Variants in IL7R observed in about 807,000 individuals in gnomAD.
The protein encoded by IL7R is interleukin-7 receptor subunit alpha.
A neutral mutation model predicts 47.0 loss-of-function variants in IL7R; 38 were observed. The ratio of observed to expected loss-of-function variants is 0.81; its 90% CI spans 0.62 to 1.06. IL7R has a LOEUF of 1.06. Among genes scored for constraint, IL7R ranks in the 50% least tolerant of loss-of-function variants. The probability of loss-of-function intolerance (pLI) is 0.00; values close to 1 mark genes in which losing one functional copy is unlikely to be tolerated. For synonymous variants in IL7R, 221 were observed against 199.8 expected (o/e 1.11, Z -0.89); for missense variants, 633 against 534.8 (o/e 1.18, Z -1.81).
chr5:35,876,388 T>C lies in IL7R; in HGVS notation c.1282T>C (p.Leu428=), dbSNP rs1238128150. The C allele has an allele frequency of 6.2e-7, 1 of 1,613,598 alleles. No individual in the cohort carries two copies. Among genetic ancestry groups the C allele is most frequent in the South Asian group, 1.1e-5 (1 of 91,058 alleles). ...PFSLQSGILT[L]NPVAQGQPIL... ...TTCTCTCCAATCTGGAATCCTGACA[T>C]TGAACCCAGTTGCTCAGGGTCAGCC... The change falls in exon 8 of 8, where the codon TTG becomes CTG. Residue 428 remains leucine, a synonymous_variant. Transcript: ENST00000303115.
intron 2 of IL7R, 103 bp downstream of exon 2, chr5:35,861,093 A>G: frequency 8.1e-7 from 1 of 1,228,742 alleles, no homozygotes; most frequent in Middle Eastern, 1.9e-4. Flanking sequence ...CCTAATTAAC[A>G]AATGTTAACA....
rs1445751355 is a variant in IL7R at position 35,877,885 on chromosome 5, C to A, written c.*1399C>A. On this transcript the variant is annotated 3_prime_UTR_variant, in exon 8 of 8. Transcript: ENST00000303115. The stretch of plus-strand genomic sequence containing the variant: ...AACCCATCTCCCACAGGCCTCCAAA[C>A]CCTGGCTGTTCACAGAACCACAAAG... 4.3e-6 allele frequency: 1 copy of A among 233,190 alleles called. No individual in the cohort carries two copies. The highest frequency in any genetic ancestry group is 8.5e-6 in the Non-Finnish European group (1 of 118,086). 14.4% of individuals were successfully genotyped at this position (233,190 alleles called of 1,614,324 possible).
At chr5:35,869,770 T>A (rs1760024818) in intron 3 of IL7R, among the ~76,000 whole-genome samples, 1 of 152,218 alleles carries the variant, frequency 6.6e-6, no homozygotes, top group Non-Finnish European at 1.5e-5. Context: ...GCATTCTCTG[T>A]TCGGCTGTTC....
Position 35,867,349 on chromosome 5 carries a change from C to A in IL7R, c.265C>A (p.Gln89Lys). Residue 89 changes from glutamine to lysine, a missense_variant, in exon 3 of 8, where the codon CAA (glutamine) becomes AAA (lysine). By Grantham distance (53) the Gln-to-Lys change is moderately conservative (BLOSUM62 1). Coordinates refer to ENST00000303115, the MANE Select transcript of IL7R (RefSeq NM_002185.5). ...AAAGTGCCTGAATTTCAGGAAACTA[C>A]AAGAGATATATTTCATCGAGACAAA... The part of the protein sequence containing the change: ...EVKCLNFRKL[Q>K]EIYFIETKKF... 10 of 1,613,428 alleles carry A rather than the reference C, an allele frequency of 6.2e-6. No individual in the cohort carries two copies. Among genetic ancestry groups the A allele is most frequent in the Non-Finnish European group, 8.5e-6 (10 of 1,179,502 alleles).
rs528066920 is a variant in IL7R, at chr5:35,861,058, T to C, written c.221+68T>C. On this transcript the variant is annotated intron_variant, in intron 2 of 7. Coordinates refer to ENST00000303115, the MANE Select transcript of IL7R (RefSeq NM_002185.5). The stretch of plus-strand genomic sequence containing the variant: ...CTCTCTTTTCATATGCTCTTTTTAA[T>C]AGCCACAAAAGAAAGAATATGTGGC... The C allele has an allele frequency of 1.2e-5, 18 of 1,472,284 alleles. No individual in the cohort carries two copies. The African/African-American group carries it at 1.7e-4, about 14-fold the overall frequency. 91.2% of individuals were successfully genotyped at this position (1,472,284 alleles called of 1,614,324 possible). A position where few individuals can be genotyped will look rare whatever the true frequency, so the allele number is the denominator to read the frequency against.
rs1371353348 is a variant in IL7R, at chr5:35,876,044, A to G, written c.938A>G (p.Asp313Gly). The stretch of plus-strand genomic sequence containing the variant: ...GACTGCCAGATTCATAGGGTGGATG[A>G]CATTCAAGCTAGAGATGAAGTGGAA... ...FLDCQIHRVD[D>G]IQARDEVEGF... The change falls in exon 8 of 8, where the codon GAC becomes GGC. Residue 313 changes from aspartate (D) to glycine (G), a missense_variant. Asp to Gly is a moderately conservative substitution (Grantham distance 94). Coordinates refer to ENST00000303115, the MANE Select transcript of IL7R (RefSeq NM_002185.5). 1.9e-6 allele frequency: 3 copies of G among 1,614,038 alleles called. No homozygotes were observed. The Admixed American group carries it at 5.0e-5, about 27-fold the overall frequency.
intron 3 of IL7R, among the ~76,000 whole-genome samples, chr5:35,868,496 G>C (rs186454423): frequency 6.6e-6 from 1 of 152,194 alleles, no homozygotes; most frequent in African/African-American, 2.4e-5. Context: ...GCAGATGGCT[G>C]TGCATGTTGG....
At chr5:35,870,785 G>A (rs1205842137) in intron 3 of IL7R, among the ~76,000 whole-genome samples, 2 of 152,170 alleles carry the variant, frequency 1.3e-5, no homozygotes, top group Non-Finnish European at 2.9e-5. Flanking sequence ...ACGGAGCAGA[G>A]GAGTCACACA....
intron 4 of IL7R, chr5:35,873,063 C>T (rs1279519710): frequency 9.8e-6 from 2 of 204,178 alleles, no homozygotes; most frequent in Non-Finnish European, 2.0e-5. Context: ...GTGGTGGAGA[C>T]TTTTGTCTCT....
chr5:35,865,934 A>T (rs913163176), intron 2 of IL7R, among the ~76,000 whole-genome samples: 3 of 151,868 alleles, frequency 2.0e-5, no homozygotes, highest in African/African-American at 7.3e-5. Flanking sequence ...ATTGGCTAAA[A>T]CCTCCTGTAC....
intron 1 of IL7R, 146 bp downstream of exon 1, chr5:35,857,205 T>TG (rs72534634): frequency 5.1e-5 from 31 of 613,454 alleles, no homozygotes; most frequent in Non-Finnish European, 1.4e-5. Flanking sequence ...TTTTTTAATG[T>TG]TTAACCACCA....
chr5:35,867,330 C>T lies in IL7R; in HGVS notation c.246C>T (p.Cys82=), dbSNP rs201767916. Residue 82 remains cysteine, a synonymous_variant, in exon 3 of 8, where the codon TGC becomes TGT. Transcript: ENST00000303115. ...EICGALVEVK[C]LNFRKLQEIY... is the part of the protein sequence containing the mutation. ...GTGGGGCCCTCGTGGAGGTAAAGTG[C>T]CTGAATTTCAGGAAACTACAAGAGA... The T allele has an allele frequency of 2.5e-6, 4 of 1,613,610 alleles. No individual in the cohort carries two copies. The highest frequency in any genetic ancestry group is 1.7e-5 in the Admixed American group (1 of 59,986).
chr5:35,874,833 T>C (rs1760165613), intron 6 of IL7R, among the ~76,000 whole-genome samples: 1 of 152,254 alleles, frequency 6.6e-6, no homozygotes, highest in South Asian at 2.1e-4. Flanking sequence ...CCATCATTCA[T>C]GGCAAATGCA....
rs1187307876 is a variant in IL7R at position 35,874,457 on chromosome 5, G to A, written c.715G>A (p.Asp239Asn). ...PEINNSSGEMDPILLTISILS... is the reference protein window; with the variant it reads ...PEINNSSGEMNPILLTISILS... ...CTATTCTTGCTTTCCAGGGGAGATG[G>A]ATCCTATCTTACTAACCATCAGCAT... Residue 239 changes from aspartate (D) to asparagine (N), a missense_variant, in exon 6 of 8, where the codon GAT becomes AAT. Physicochemically the swap from Asp to Asn is conservative, Grantham distance 23. Coordinates refer to ENST00000303115, the MANE Select transcript of IL7R (RefSeq NM_002185.5). The A allele has an allele frequency of 1.9e-6, 3 of 1,608,242 alleles. No individual in the cohort carries two copies. The highest frequency in any genetic ancestry group is 1.1e-5 in the South Asian group (1 of 90,972).
chr5:35,862,355 A>G (rs1407761483), intron 2 of IL7R, among the ~76,000 whole-genome samples: 1 of 152,108 alleles, frequency 6.6e-6, no homozygotes, highest in Non-Finnish European at 1.5e-5. Context: ...CTCTTGGCCA[A>G]GCTGAGGTTG....
chr5:35,857,105 C>A, intron 1 of IL7R, 46 bp downstream of exon 1: 1 of 1,210,340 alleles, frequency 8.3e-7, no homozygotes, highest in Non-Finnish European at 1.2e-6. Context: ...TTATCTGTAG[C>A]ATGGTTTCAG....
rs761569711 is a variant in IL7R, at chr5:35,878,145, A to T, written c.*1659A>T. ...TTATCTGTTGGCTTAAAGGACTGGT[A>T]AGATCAGACCATCTTATTCTTCAGG... On this transcript the variant is annotated 3_prime_UTR_variant, in exon 8 of 8. Transcript: ENST00000303115. 4.3e-6 allele frequency: 1 copy of T among 233,206 alleles called. No homozygotes were observed. Among genetic ancestry groups the T allele is most frequent in the Non-Finnish European group, 8.5e-6 (1 of 118,078 alleles). The allele number at this position is 233,206 out of a possible 1,614,324, so 14.4% of individuals were successfully genotyped here. A position where few individuals can be genotyped will look rare whatever the true frequency, so the allele number is the denominator to read the frequency against.
chr5:35,867,378 A>C lies in IL7R; in HGVS notation c.294A>C (p.Lys98Asn). 1.9e-6 allele frequency: 3 copies of C among 1,613,632 alleles called. No individual in the cohort carries two copies. In the South Asian group the frequency reaches 3.3e-5, roughly 18 times the overall value. ...AGATATATTTCATCGAGACAAAGAAATTCTTACTGATTGGAAAGAGCAATA... is the reference window on the plus strand; with the variant it reads ...AGATATATTTCATCGAGACAAAGAACTTCTTACTGATTGGAAAGAGCAATA... The part of the protein sequence containing the change: ...LQEIYFIETK[K>N]FLLIGKSNIC... The change falls in exon 3 of 8, where the codon AAA becomes AAC. Residue 98 changes from lysine to asparagine, a missense_variant. By Grantham distance (94) the Lys-to-Asn change is moderately conservative. Transcript: ENST00000303115.
In IL7R at chr5:35,877,705, T is replaced by G; in HGVS notation, c.*1219T>G. ...AAGAGTTACAAGTACATGCAATGAG[T>G]GAACTGACTGTGGCTACAATCTTGA... is the stretch of plus-strand genomic sequence containing the variant. On this transcript the variant is annotated 3_prime_UTR_variant, in exon 8 of 8. Coordinates refer to ENST00000303115, the MANE Select transcript of IL7R (RefSeq NM_002185.5). The G allele has an allele frequency of 4.3e-6, 1 of 233,264 alleles. No individual in the cohort carries two copies. Among genetic ancestry groups the G allele is most frequent in the African/African-American group, 2.2e-5 (1 of 45,462 alleles). 14.4% of individuals were successfully genotyped at this position (233,264 alleles called of 1,614,324 possible).
Sources: gnomAD v4.1 joint callset for allele counts (sites outside exome capture counted in the v4.1 genomes callset) on GRCh38, gnomAD v4.1.1 for gene constraint, MANE v1.5 for transcripts, NCBI Gene and HGNC (gene_info 2026-07-23, HGNC 2026-07-21) for gene names.